The following MAP3K13 variants were observed in gnomAD, a reference collection of about 807,000 sequenced individuals.
The protein encoded by MAP3K13 is leucine zipper-bearing kinase.
In MAP3K13, 52 loss-of-function variants were observed where a neutral mutation model predicts 104.0. That is an observed-to-expected ratio of 0.50 (90% CI 0.40 to 0.63). The LOEUF is 0.63. Among genes scored for constraint, MAP3K13 ranks in the 20% least tolerant of loss-of-function variants. The probability of loss-of-function intolerance (pLI) is 0.00; values close to 1 mark genes in which losing one functional copy is unlikely to be tolerated. For synonymous variants in MAP3K13, 394 were observed against 442.2 expected, an observed-to-expected ratio of 0.89 and a Z score of 1.37; for missense variants, 914 against 1,218.5, an observed-to-expected ratio of 0.75 and a Z score of 3.72.
chr3:185,479,459 A>G (rs1718323669), intron 12 of MAP3K13, among the ~76,000 whole-genome samples: 1 of 152,182 alleles, frequency 6.6e-6, no homozygotes, highest in African/African-American at 2.4e-5. Context: ...GAGATTCTCC[A>G]AAGTCTCTTT....
At chr3:185,456,183 CAG>C (rs1172625985) in intron 7 of MAP3K13, among the ~76,000 whole-genome samples, 7 of 151,878 alleles carry the variant, frequency 4.6e-5, no homozygotes, top group Non-Finnish European at 1.0e-4. Flanking sequence ...AATGATAAAT[CAG>C]AGACTCCTGT....
intron 10 of MAP3K13, among the ~76,000 whole-genome samples, chr3:185,471,117 G>C (rs1041716710): frequency 1.2e-4 from 18 of 152,166 alleles, no homozygotes; most frequent in African/African-American, 3.9e-4. Context: ...TGAGATGAAT[G>C]AGCAGGAGCA....
chr3:185,368,105 G>A (rs1461292084), intron 1 of MAP3K13, among the ~76,000 whole-genome samples: 1 of 152,126 alleles, frequency 6.6e-6, no homozygotes, highest in Non-Finnish European at 1.5e-5. Flanking sequence ...AGGTTGCAGT[G>A]AGCCTTGATT....
At chr3:185,314,526 G>A (rs1197236346) in intron 2 of MAP3K13, among the ~76,000 whole-genome samples, 1 of 152,002 alleles carries the variant, frequency 6.6e-6, no homozygotes, top group African/African-American at 2.4e-5. Flanking sequence ...TGAGGCGGGA[G>A]AATTGCTTGA....
At chr3:185,399,262 G>C (rs1389135976) in intron 1 of MAP3K13, among the ~76,000 whole-genome samples, 2 of 152,030 alleles carry the variant, frequency 1.3e-5, no homozygotes, top group African/African-American at 4.8e-5. Context: ...TCACCAAGCT[G>C]AGGATAAAAT....
chr3:185,283,129 T>C (rs1480691760), intron 1 of MAP3K13: 1 of 152,630 alleles, frequency 6.6e-6, no homozygotes, highest in Non-Finnish European at 1.5e-5. Context: ...GGTTAGGTAA[T>C]GGACAGCATT....
intron 1 of MAP3K13, among the ~76,000 whole-genome samples, chr3:185,284,656 A>G (rs1004068996): frequency 6.6e-6 from 1 of 152,184 alleles, no homozygotes. Context: ...GGGAGGTTGC[A>G]GGAGCAGAGG....
intron 2 of MAP3K13, among the ~76,000 whole-genome samples, chr3:185,299,812 C>T (rs1721038150): frequency 7.4e-6 from 1 of 134,968 alleles, no homozygotes; most frequent in African/African-American, 2.7e-5. Flanking sequence ...ATGATCCACC[C>T]GCCTCGGCCT....
chr3:185,385,801 G>A (rs998254473), intron 1 of MAP3K13, among the ~76,000 whole-genome samples: 7 of 152,048 alleles, frequency 4.6e-5, no homozygotes, highest in Non-Finnish European at 1.0e-4. Flanking sequence ...TCAGGAGTTC[G>A]AGACCAGCTT....
intron 1 of MAP3K13, among the ~76,000 whole-genome samples, chr3:185,379,677 C>T (rs1724610339): frequency 6.6e-6 from 1 of 152,220 alleles, no homozygotes; most frequent in African/African-American, 2.4e-5. Flanking sequence ...TCACCTGGTG[C>T]AGGCGGGCTG....
chr3:185,296,863 T>C (rs1720933497), intron 2 of MAP3K13, among the ~76,000 whole-genome samples: 1 of 152,196 alleles, frequency 6.6e-6, no homozygotes, highest in Non-Finnish European at 1.5e-5. Flanking sequence ...TTCTAAAAAA[T>C]ATTTTAAAAT....
At chr3:185,455,715 A>AGATATATATAT (rs1560120585) in intron 7 of MAP3K13, among the ~76,000 whole-genome samples, 1 of 12,786 alleles carries the variant, frequency 7.8e-5, no homozygotes, top group African/African-American at 1.5e-4. Context: ...GATATATATG[A>AGATATATATAT]GATATATATG....
In MAP3K13 at chr3:185,356,863, C is replaced by CATGTATGT. The variant is rs72268579; in HGVS notation, c.-86+71259_-86+71266dup. Among the ~76,000 whole-genome samples the CATGTATGT allele has an allele frequency of 8.7e-3, 1,305 of 149,614 alleles. 8 individuals carry two copies. Among genetic ancestry groups the CATGTATGT allele is most frequent in the African/African-American group, 0.016 (641 of 40,552 alleles). ...ATGGGGATGATACAGAGGCAGACTT[C>CATGTATGT]ATGTATGTATGTATGTATGTATGTA... On this transcript the variant is annotated intron_variant, in intron 2 of 14. Transcript: ENST00000424227.
intron 2 of MAP3K13, among the ~76,000 whole-genome samples, chr3:185,305,229 G>A (rs755793289): frequency 1.3e-5 from 2 of 151,918 alleles, no homozygotes; most frequent in Non-Finnish European, 2.9e-5. Context: ...TTGACTTTTT[G>A]TAGAGAGAGA....
At chr3:185,409,911 A>C (rs568217715) in intron 1 of MAP3K13, among the ~76,000 whole-genome samples, 1 of 152,184 alleles carries the variant, frequency 6.6e-6, no homozygotes, top group East Asian at 1.9e-4. Context: ...ATTTTTCCAC[A>C]GACTAGGGAT....
Position 185,477,403 on chromosome 3 carries a change from C to A in MAP3K13, c.2501+7C>A, listed in dbSNP as rs1186925659. On this transcript the variant is annotated splice_region_variant and intron_variant, in intron 12 of 13. Coordinates refer to ENST00000265026, the MANE Select transcript of MAP3K13 (RefSeq NM_004721.5). ...AATTTCCACGAAGACAGAGGTAAAA[C>A]CAACAAATGCACACGATTGCTTTTA... is the stretch of plus-strand genomic sequence containing the variant. 1 of 1,605,082 alleles carries A rather than the reference C, an allele frequency of 6.2e-7. No homozygotes were observed. The highest frequency in any genetic ancestry group is 1.7e-5 in the Admixed American group (1 of 59,944).
chr3:185,457,958 AC>A (rs1363654344), intron 7 of MAP3K13, among the ~76,000 whole-genome samples: 9 of 152,276 alleles, frequency 5.9e-5, no homozygotes, highest in Non-Finnish European at 1.2e-4. Flanking sequence ...CAGCTTATTC[AC>A]CAAAACAATG....
chr3:185,469,464 T>C (rs1251472876), intron 10 of MAP3K13, among the ~76,000 whole-genome samples: 1 of 152,218 alleles, frequency 6.6e-6, no homozygotes, highest in African/African-American at 2.4e-5. Context: ...GGTATTGTAA[T>C]AGTAGGAACA....
At chr3:185,400,149 C>G (rs1480844250) in intron 1 of MAP3K13, among the ~76,000 whole-genome samples, 1 of 152,202 alleles carries the variant, frequency 6.6e-6, no homozygotes, top group Admixed American at 6.5e-5. Context: ...TCGAATCCAC[C>G]TTTCCAGCCC....
Sources: gnomAD v4.1 joint callset for allele counts (sites outside exome capture counted in the v4.1 genomes callset) on GRCh38, gnomAD v4.1.1 for gene constraint, MANE v1.5 for transcripts, NCBI Gene and HGNC (gene_info 2026-07-23, HGNC 2026-07-21) for gene names.